Variants in RGS6 observed in about 807,000 individuals in gnomAD.
RGS6 encodes regulator of G protein signaling 6, also known as regulator of G-protein signaling 6.
A neutral mutation model predicts 78.5 loss-of-function variants in RGS6; 30 were observed. The observed-to-expected ratio is 0.38, with a 90% CI of 0.29 to 0.52. RGS6 has a LOEUF of 0.52. Ranked by LOEUF, RGS6 falls within the 20% of genes least tolerant of loss-of-function variation. The pLI, the probability that RGS6 is intolerant of heterozygous loss-of-function variation, is 0.85. For missense variants in RGS6, 495 were observed against 609.7 expected, an observed-to-expected ratio of 0.81 and a Z score of 1.98; for synonymous variants, 206 against 206.0, an observed-to-expected ratio of 1.00 and a Z score of 0.00.
At chr14:72,052,357 G>A (rs1231017914) in intron 2 of RGS6, among the ~76,000 whole-genome samples, 1 of 152,166 alleles carries the variant, frequency 6.6e-6, no homozygotes. Context: ...AACATAAGTG[G>A]TAGCAGGTCC....
chr14:72,253,313 T>C (rs2056287994), intron 2 of RGS6, among the ~76,000 whole-genome samples: 2 of 152,220 alleles, frequency 1.3e-5, no homozygotes, highest in African/African-American at 4.8e-5. Flanking sequence ...GTAAGGTGAG[T>C]AGGAAATAAA....
intron 16 of RGS6, chr14:72,537,492 T>C: frequency 1.4e-6 from 1 of 702,354 alleles, no homozygotes; most frequent in Non-Finnish European, 2.6e-6. Context: ...AGCAGCTCTC[T>C]GGGTTTCCTG....
At chr14:72,032,699 T>G (rs557528432) in intron 2 of RGS6, among the ~76,000 whole-genome samples, 57 of 152,312 alleles carry the variant, frequency 3.7e-4, no homozygotes, top group African/African-American at 1.3e-3. Context: ...ACTAGACTTA[T>G]GCAGTATTTG....
intron 2 of RGS6, among the ~76,000 whole-genome samples, chr14:72,175,432 C>A (rs115435298): frequency 2.0e-5 from 3 of 152,188 alleles, no homozygotes; most frequent in African/African-American, 7.2e-5. Flanking sequence ...TGTGACCTAT[C>A]TATACTGACT....
rs183096409 is a variant in RGS6 at position 71,986,665 on chromosome 14, C to T, written c.84+21790C>T. On this transcript the variant is annotated intron_variant, in intron 2 of 17. Transcript: ENST00000553525. Reference sequence around the variant, plus strand: ...GCTCAAGGCTGCAGTGAGCCATGATCGTGCCACCGCATTGCAACCTGGGTG... The same window carrying T: ...GCTCAAGGCTGCAGTGAGCCATGATTGTGCCACCGCATTGCAACCTGGGTG... Among the ~76,000 whole-genome samples, 32 of 152,190 alleles carry T rather than the reference C, an allele frequency of 2.1e-4. No homozygotes were observed. The East Asian group carries it at 5.8e-3, about 28-fold the overall frequency.
At chr14:72,441,981 A>C (rs1385604846) in intron 3 of RGS6, among the ~76,000 whole-genome samples, 1 of 152,192 alleles carries the variant, frequency 6.6e-6, no homozygotes, top group Non-Finnish European at 1.5e-5. Context: ...CGATGCTGGA[A>C]TGCCATGAGG....
At chr14:72,580,901 C>T in the RGS6 span, among the ~76,000 whole-genome samples, 3 of 152,346 alleles carry the variant, frequency 2.0e-5, no homozygotes, top group East Asian at 5.8e-4. Flanking sequence ...GGAGCAAGAA[C>T]AAGGCATGAG....
chr14:72,467,950 TG>T (rs2095966880), intron 7 of RGS6, among the ~76,000 whole-genome samples: 1 of 152,160 alleles, frequency 6.6e-6, no homozygotes, highest in Non-Finnish European at 1.5e-5. Flanking sequence ...AGTAGAAGCC[TG>T]GGGCCCCTCC....
intron 6 of RGS6, among the ~76,000 whole-genome samples, chr14:72,464,173 A>T (rs932676937): frequency 9.2e-5 from 14 of 152,142 alleles, no homozygotes; most frequent in African/African-American, 3.1e-4. Context: ...TATTTTTCTT[A>T]CTTTTTCCTG....
intron 2 of RGS6, among the ~76,000 whole-genome samples, chr14:72,285,964 G>A (rs1261018658): frequency 1.3e-5 from 2 of 152,134 alleles, no homozygotes; most frequent in African/African-American, 4.8e-5. Context: ...TTCATAGGCT[G>A]CCTTTTCACT....
At chr14:72,395,990 C>T (rs1360767676) in intron 3 of RGS6, among the ~76,000 whole-genome samples, 1 of 152,128 alleles carries the variant, frequency 6.6e-6, no homozygotes, top group Admixed American at 6.6e-5. Flanking sequence ...CCGCAATAAA[C>T]ATACGTGAGC....
At chr14:71,891,781 A>T in the RGS6 span, among the ~76,000 whole-genome samples, 1 of 152,172 alleles carries the variant, frequency 6.6e-6, no homozygotes. Flanking sequence ...CTCTGTTAGT[A>T]TCTGGATATC....
intron 7 of RGS6, 103 bp from the exon 8 acceptor site, chr14:72,469,904 T>C: frequency 1.3e-6 from 1 of 798,272 alleles, no homozygotes; most frequent in South Asian, 1.5e-5. Flanking sequence ...TGCTATTTTG[T>C]TGGAAGTAAC....
chr14:72,406,940 A>G (rs2092983312), intron 3 of RGS6, among the ~76,000 whole-genome samples: 1 of 152,222 alleles, frequency 6.6e-6, no homozygotes, highest in South Asian at 2.1e-4. Flanking sequence ...GTTGGTCCAC[A>G]TTGTCCAGAT....
At chr14:72,479,920 C>T (rs1413119370) in intron 12 of RGS6, among the ~76,000 whole-genome samples, 2 of 152,172 alleles carry the variant, frequency 1.3e-5, no homozygotes, top group Non-Finnish European at 2.9e-5. Flanking sequence ...GCTAGCAATG[C>T]TCATGTCTGG....
In RGS6 at chr14:72,508,241, T is replaced by A. The variant is rs568610313; in HGVS notation, c.966-1913T>A. On this transcript the variant is annotated intron_variant, in intron 13 of 17. Coordinates refer to ENST00000553525, the MANE Select transcript of RGS6 (RefSeq NM_001204424.2). ...CATCATCATTGTAATTAGAAGATAC[T>A]GCTGTTGCTGATTATGTGTGTTGGT... is the stretch of plus-strand genomic sequence containing the variant. Among the ~76,000 whole-genome samples the A allele has an allele frequency of 2.6e-5, 4 of 152,326 alleles. No individual in the cohort carries two copies. The East Asian group carries it at 7.7e-4, about 29-fold the overall frequency.
chr14:71,991,934 T>C (rs1057196576), intron 2 of RGS6, among the ~76,000 whole-genome samples: 1 of 152,198 alleles, frequency 6.6e-6, no homozygotes, highest in Non-Finnish European at 1.5e-5. Flanking sequence ...GACATGTCTG[T>C]ATTCTAATAA....
At position 72,420,157 on chromosome 14, in the gene RGS6, G is replaced by T. The variant is rs921801187; in HGVS notation, c.185-34371G>T. On this transcript the variant is annotated intron_variant, in intron 3 of 17. Transcript: ENST00000553525. ...GAAGTAAGTCTCAAACCCCAGGCTT[G>T]CCTCCAATTTTCTTTGCACTGATCT... Among the ~76,000 whole-genome samples, 4 of 152,350 alleles carry T rather than the reference G, an allele frequency of 2.6e-5. No homozygotes were observed. In the East Asian group the frequency reaches 7.7e-4, roughly 29 times the overall value.
chr14:72,436,403 A>T (rs2094915037), intron 3 of RGS6, among the ~76,000 whole-genome samples: 1 of 152,050 alleles, frequency 6.6e-6, no homozygotes, highest in Non-Finnish European at 1.5e-5. Flanking sequence ...GTAAGCATGG[A>T]TATGACCATT....
Sources: allele counts gnomAD v4.1 joint callset (sites outside exome capture counted in the v4.1 genomes callset), GRCh38; gene constraint gnomAD v4.1.1; transcripts MANE v1.5; gene names NCBI Gene and HGNC (gene_info 2026-07-23, HGNC 2026-07-21).